The following AUTS2 variants were observed in gnomAD, a reference collection of about 807,000 sequenced individuals.
AUTS2 encodes autism susceptibility gene 2 protein.
In AUTS2, 17 loss-of-function variants were observed where a neutral mutation model predicts 112.4. That is an observed-to-expected ratio of 0.15 (90% CI 0.10 to 0.23). The LOEUF is 0.23. Among genes scored for constraint, AUTS2 ranks in the 10% least tolerant of loss-of-function variants. The probability of loss-of-function intolerance (pLI) is 1.00; values close to 1 mark genes in which losing one functional copy is unlikely to be tolerated. For missense variants in AUTS2, 1,510 were observed against 1,701.6 expected (o/e 0.89, Z 1.98); for synonymous variants, 751 against 702.7 (o/e 1.07, Z -1.09).
At chr7:70,171,624 ACGGG>A (rs1808692414) in intron 4 of AUTS2, among the ~76,000 whole-genome samples, 1 of 152,206 alleles carries the variant, frequency 6.6e-6, no homozygotes, top group African/African-American at 2.4e-5. Context: ...CCCTCAGGTC[ACGGG>A]CTTTAGTCAA....
intron 1 of AUTS2, among the ~76,000 whole-genome samples, chr7:69,733,877 A>C (rs1786911361): frequency 6.6e-6 from 1 of 152,144 alleles, no homozygotes; most frequent in African/African-American, 2.4e-5. Flanking sequence ...TTTTTCTCAT[A>C]GTATTAATGT....
intron 14 of AUTS2, chr7:70,781,364 CAAAAAAA>C (rs756708435): frequency 5.7e-5 from 7 of 123,356 alleles, no homozygotes; most frequent in African/African-American, 1.4e-4. Context: ...GACTCCGTCA[CAAAAAAA>C]AAAAAAAAAA....
intron 4 of AUTS2, among the ~76,000 whole-genome samples, chr7:70,258,566 A>G (rs1405954632): frequency 6.6e-6 from 1 of 152,180 alleles, no homozygotes; most frequent in Non-Finnish European, 1.5e-5. Flanking sequence ...CAAGGGACTC[A>G]TTGGGCCACC....
chr7:69,873,446 G>T (rs1283371085), intron 1 of AUTS2, among the ~76,000 whole-genome samples: 8 of 147,242 alleles, frequency 5.4e-5, no homozygotes, highest in African/African-American at 7.6e-5. Context: ...GCATCCCAGA[G>T]TTAGCAGTCA....
chr7:69,767,462 G>A (rs1788476696), intron 1 of AUTS2, among the ~76,000 whole-genome samples: 1 of 152,160 alleles, frequency 6.6e-6, no homozygotes, highest in Non-Finnish European at 1.5e-5. Context: ...ATAGAGACGT[G>A]AGCCACCAGC....
intron 5 of AUTS2, among the ~76,000 whole-genome samples, chr7:70,691,518 TCTTCCTA>T (rs1563130699): frequency 6.6e-6 from 1 of 152,210 alleles, no homozygotes; most frequent in Non-Finnish European, 1.5e-5. Flanking sequence ...CTTTCTTCCT[TCTTCCTA>T]CTTCTGATGC....
intron 1 of AUTS2, among the ~76,000 whole-genome samples, chr7:69,687,587 C>T (rs1212430642): frequency 6.6e-6 from 1 of 152,078 alleles, no homozygotes; most frequent in Non-Finnish European, 1.5e-5. Flanking sequence ...ATTCTAGAGC[C>T]TTACGTTAAG....
chr7:70,093,745 A>G (rs150954197), intron 2 of AUTS2, among the ~76,000 whole-genome samples: 5 of 152,344 alleles, frequency 3.3e-5, no homozygotes, highest in South Asian at 2.1e-4. Context: ...CCTTGCTAAC[A>G]CAGAGGTGTC....
At chr7:70,567,842 G>T (rs1801769655) in intron 5 of AUTS2, among the ~76,000 whole-genome samples, 1 of 152,170 alleles carries the variant, frequency 6.6e-6, no homozygotes, top group Non-Finnish European at 1.5e-5. Flanking sequence ...GTGTTCTTTA[G>T]GTAAAGCTGT....
chr7:70,575,790 C>T (rs1180296355), intron 5 of AUTS2, among the ~76,000 whole-genome samples: 1 of 152,170 alleles, frequency 6.6e-6, no homozygotes, highest in African/African-American at 2.4e-5. Flanking sequence ...TCAGAAATAA[C>T]CTGCTGCAAG....
At chr7:70,623,652 G>C (rs1354847820) in intron 5 of AUTS2, among the ~76,000 whole-genome samples, 1 of 152,150 alleles carries the variant, frequency 6.6e-6, no homozygotes, top group Non-Finnish European at 1.5e-5. Context: ...GTGTTCAGGG[G>C]ATCACTGGAT....
At chr7:70,300,389 C>T (rs1297973473) in intron 4 of AUTS2, among the ~76,000 whole-genome samples, 1 of 152,206 alleles carries the variant, frequency 6.6e-6, no homozygotes, top group Non-Finnish European at 1.5e-5. Flanking sequence ...TAATGTATCT[C>T]CTTTTCAGTC....
chr7:70,107,950 G>T (rs998340869), intron 2 of AUTS2, among the ~76,000 whole-genome samples: 3 of 151,526 alleles, frequency 2.0e-5, no homozygotes, highest in Non-Finnish European at 2.9e-5. Flanking sequence ...GGCGGAGCTT[G>T]CAGTGAGCTG....
chr7:70,513,260 A>G (rs1037393269), intron 5 of AUTS2, among the ~76,000 whole-genome samples: 8 of 152,254 alleles, frequency 5.3e-5, no homozygotes, highest in African/African-American at 1.7e-4. Context: ...AAGATTTATG[A>G]AACCTCTGGG....
chr7:70,107,124 A>G (rs1804805843), intron 2 of AUTS2, among the ~76,000 whole-genome samples: 1 of 152,156 alleles, frequency 6.6e-6, no homozygotes, highest in African/African-American at 2.4e-5. Context: ...AACTGTAATT[A>G]TGCAACTTTT....
At chr7:70,619,943 C>G (rs1425168359) in intron 5 of AUTS2, among the ~76,000 whole-genome samples, 3 of 152,194 alleles carry the variant, frequency 2.0e-5, no homozygotes, top group Admixed American at 6.5e-5. Context: ...AGCTGGAAGG[C>G]TGGACAGCAG....
intron 5 of AUTS2, among the ~76,000 whole-genome samples, chr7:70,547,404 G>A (rs1333716656): frequency 5.3e-5 from 8 of 152,024 alleles, no homozygotes; most frequent in Admixed American, 1.3e-4. Context: ...ACAGGCGCCC[G>A]CCACCACACC....
At chr7:70,018,623 A>G (rs1368642627) in intron 2 of AUTS2, among the ~76,000 whole-genome samples, 1 of 152,238 alleles carries the variant, frequency 6.6e-6, no homozygotes, top group Non-Finnish European at 1.5e-5. Flanking sequence ...TTCCTTATAA[A>G]AAAGCAAGTA....
At chr7:70,206,007 T>TA (rs1810556187) in intron 4 of AUTS2, among the ~76,000 whole-genome samples, 1 of 152,198 alleles carries the variant, frequency 6.6e-6, no homozygotes, top group Non-Finnish European at 1.5e-5. Flanking sequence ...AGATTCAGAA[T>TA]AAAAGGCCAT....
Sources: gnomAD v4.1 joint callset for allele counts (sites outside exome capture counted in the v4.1 genomes callset) on GRCh38, gnomAD v4.1.1 for gene constraint, MANE v1.5 for transcripts, NCBI Gene and HGNC (gene_info 2026-07-23, HGNC 2026-07-21) for gene names.